GSTP1: variants seen among roughly 807,000 people sequenced by gnomAD.
The protein encoded by GSTP1 is glutathione S-transferase pi 1.
In GSTP1, 28 loss-of-function variants were observed where a neutral mutation model predicts 29.4. The observed-to-expected ratio is 0.95, with a 90% CI of 0.71 to 1.30. The LOEUF is 1.30. GSTP1 is among the 50% of genes most tolerant of loss of function. GSTP1 has a pLI of 0.00. For missense variants in GSTP1, 267 were observed against 266.1 expected (o/e 1.00, Z -0.02); for synonymous variants, 122 against 117.0 (o/e 1.04, Z -0.28).
rs375502856 is a variant in GSTP1, at chr11:67,585,095, A to G, written c.233-43A>G. On this transcript the variant is annotated intron_variant, in intron 4 of 6. Coordinates refer to ENST00000398606, the MANE Select transcript of GSTP1 (RefSeq NM_000852.4). ...CATCCCCAGTGACTGTGTGTTGATC[A>G]GGCGCCCAGTCACGCGGCCTGCTCC... 2.4e-5 allele frequency: 31 copies of G among 1,266,416 alleles called. No homozygotes were observed. In the African/African-American group the frequency reaches 3.6e-4, roughly 15 times the overall value. The allele number at this position is 1,266,416 out of a possible 1,614,324, so 78.4% of individuals were successfully genotyped here.
Position 67,584,114 on chromosome 11 carries a change from C to G in GSTP1, c.2-20C>G, listed in dbSNP as rs4147581. ...GCATCCTCCCCCGGGCTCCAGCAAA[C>G]TTTTCTTTGTTCGCTGCAGTGCCGC... On this transcript the variant is annotated intron_variant, in intron 1 of 6. Coordinates refer to ENST00000398606, the MANE Select transcript of GSTP1 (RefSeq NM_000852.4). 762,336 of 1,594,156 alleles carry G rather than the reference C, an allele frequency of 0.48. 191,422 individuals carry two copies. Among genetic ancestry groups the G allele is most frequent in the East Asian group, 0.67 (29,914 of 44,586 alleles).
Position 67,584,509 on chromosome 11 carries a change from G to C in GSTP1, c.83G>C (p.Ser28Thr), listed in dbSNP as rs764740104. ...ATGCTGCTGGCAGATCAGGGCCAGA[G>C]CTGGAAGGAGGAGGTGGTGACCGTG... ...LRMLLADQGQSWKEEVVTVET... is the reference protein window; with the variant it reads ...LRMLLADQGQTWKEEVVTVET... The change falls in exon 3 of 7, where the codon AGC becomes ACC. Residue 28 changes from serine (S) to threonine (T), a missense_variant. Ser to Thr is a moderately conservative substitution (Grantham distance 58, BLOSUM62 1). Transcript: ENST00000398606. 3.8e-6 allele frequency: 6 copies of C among 1,573,310 alleles called. No homozygotes were observed. The South Asian group carries it at 6.9e-5, about 18-fold the overall frequency.
In GSTP1 at chr11:67,584,183, T is replaced by C; in HGVS notation, c.37+14T>C. ...TCCCAGTTCGAGGTAGGAGCATGTGTCTGGCAGGGAAGGGAGGCAGGGGCT... is the reference window on the plus strand; with the variant it reads ...TCCCAGTTCGAGGTAGGAGCATGTGCCTGGCAGGGAAGGGAGGCAGGGGCT... On this transcript the variant is annotated intron_variant, in intron 2 of 6. Coordinates refer to ENST00000398606, the MANE Select transcript of GSTP1 (RefSeq NM_000852.4). The C allele has an allele frequency of 6.2e-7, 1 of 1,607,322 alleles. No homozygotes were observed. Among genetic ancestry groups the C allele is most frequent in the Non-Finnish European group, 8.5e-7 (1 of 1,173,930 alleles).
At chr11:67,584,960 G>C in intron 4 of GSTP1, 178 bp from the exon 5 acceptor site, 1 of 641,740 alleles carries the variant, frequency 1.6e-6, no homozygotes, top group Non-Finnish European at 2.7e-6. Flanking sequence ...CTGCCTCCCA[G>C]GTGTCAGGTG....
chr11:67,584,316 G>T, intron 2 of GSTP1, 147 bp downstream of exon 2: 1 of 726,980 alleles, frequency 1.4e-6, no homozygotes, highest in East Asian at 2.7e-5. Flanking sequence ...CGCCTCTCCC[G>T]CCATGCCTGC....
At chr11:67,584,437 A>T in intron 2 of GSTP1, 27 bp from the exon 3 acceptor site, 1 of 1,322,386 alleles carries the variant, frequency 7.6e-7, no homozygotes, top group Non-Finnish European at 1.0e-6. Flanking sequence ...CCCGGTCCCC[A>T]CATCTCGTAC....
chr11:67,584,831 C>T, intron 4 of GSTP1, 59 bp downstream of exon 4: 6 of 1,284,512 alleles, frequency 4.7e-6, no homozygotes, highest in Admixed American at 1.7e-5. Context: ...CCCCGGAGCC[C>T]TTTTGTTTAA....
chr11:67,585,106 C>G (rs1484826724), intron 4 of GSTP1, 32 bp from the exon 5 acceptor site: 4 of 1,409,924 alleles, frequency 2.8e-6, no homozygotes, highest in Non-Finnish European at 4.0e-6. Context: ...GGCGCCCAGT[C>G]ACGCGGCCTG....
chr11:67,584,987 T>G, intron 4 of GSTP1, 151 bp from the exon 5 acceptor site: 1 of 640,116 alleles, frequency 1.6e-6, no homozygotes, highest in Non-Finnish European at 2.8e-6. Context: ...GAGCACCTGC[T>G]GTGTGGCAGT....
chr11:67,586,327 T>C (rs878949262), intron 6 of GSTP1, 62 bp from the exon 7 acceptor site: 1 of 1,558,030 alleles, frequency 6.4e-7, no homozygotes, highest in Non-Finnish European at 8.8e-7. Context: ...GCTTAGGCCC[T>C]CTGCCCCCAA....
chr11:67,583,888 T>C, intron 1 of GSTP1, 44 bp downstream of exon 1: 1 of 724,590 alleles, frequency 1.4e-6, no homozygotes, highest in Non-Finnish European at 2.5e-6. Context: ...GGCTCAGAGC[T>C]CCCAGCATGG....
intron 1 of GSTP1, 101 bp from the exon 2 acceptor site, chr11:67,584,033 G>A: frequency 7.4e-6 from 7 of 949,456 alleles, no homozygotes; most frequent in Non-Finnish European, 1.1e-5. Context: ...GCGCCTCGGG[G>A]AGGGATGGGA....
chr11:67,584,037 G>A (rs1348069454), intron 1 of GSTP1, 97 bp from the exon 2 acceptor site: 5 of 940,644 alleles, frequency 5.3e-6, no homozygotes, highest in Non-Finnish European at 8.0e-6. Flanking sequence ...CTCGGGGAGG[G>A]ATGGGACCCC....
rs916530637 is a variant in GSTP1 at position 67,584,670 on chromosome 11, T to C, written c.145-15T>C. 1 of 1,609,106 alleles carries C rather than the reference T, an allele frequency of 6.2e-7. No individual in the cohort carries two copies. Among genetic ancestry groups the C allele is most frequent in the South Asian group, 1.1e-5 (1 of 91,000 alleles). Reference sequence around the variant, plus strand: ...AAGCTCAGTGCCCCTCCCTGAGCCATGCCTCCCCCAACAGCTATACGGGCA... The same window carrying C: ...AAGCTCAGTGCCCCTCCCTGAGCCACGCCTCCCCCAACAGCTATACGGGCA... On this transcript the variant is annotated splice_polypyrimidine_tract_variant and intron_variant, in intron 3 of 6. Coordinates refer to ENST00000398606, the MANE Select transcript of GSTP1 (RefSeq NM_000852.4).
At chr11:67,584,083 G>T (rs1346142623) in intron 1 of GSTP1, 51 bp from the exon 2 acceptor site, 1 of 1,502,926 alleles carries the variant, frequency 6.7e-7, no homozygotes, top group Admixed American at 1.7e-5. Flanking sequence ...CGCTCACCGC[G>T]CCTTGGCATC....
At chr11:67,585,094 C>G (rs370314513) in intron 4 of GSTP1, 44 bp from the exon 5 acceptor site, 6 of 1,263,706 alleles carry the variant, frequency 4.7e-6, no homozygotes, top group African/African-American at 1.5e-5. Flanking sequence ...GTGTGTTGAT[C>G]AGGCGCCCAG....
Position 67,586,202 on chromosome 11 carries a change from G to A in GSTP1, c.435G>A (p.Val145=), listed in dbSNP as rs774028206. Residue 145 remains valine (V), a synonymous_variant, in exon 6 of 7, where the codon GTG becomes GTA. Coordinates refer to ENST00000398606, the MANE Select transcript of GSTP1 (RefSeq NM_000852.4). The part of the protein sequence containing the change: ...SQNQGGKTFI[V]GDQISFADYN... ...ACCAGGGAGGCAAGACCTTCATTGT[G>A]GGAGACCAGGTGAGCATCTGGCCCC... 5.6e-5 allele frequency: 90 copies of A among 1,611,392 alleles called. No homozygotes were observed. In the East Asian group the frequency reaches 1.9e-3, roughly 34 times the overall value.
At chr11:67,585,674 T>TGTGCGC (rs1867456040) in intron 5 of GSTP1, among the ~76,000 whole-genome samples, 3 of 101,382 alleles carry the variant, frequency 3.0e-5, no homozygotes, top group African/African-American at 1.2e-4. Context: ...TGCGCGTGCG[T>TGTGCGC]GTGCATGTGT....
At chr11:67,584,619 G>T (rs1458242319) in intron 3 of GSTP1, 49 bp downstream of exon 3, 3 of 1,569,568 alleles carry the variant, frequency 1.9e-6, no homozygotes, top group Non-Finnish European at 2.6e-6. Context: ...GCCTTAGGGG[G>T]CTGTGACTAG....
Sources: gnomAD v4.1 joint callset for allele counts (sites outside exome capture counted in the v4.1 genomes callset) on GRCh38, gnomAD v4.1.1 for gene constraint, MANE v1.5 for transcripts, NCBI Gene and HGNC (gene_info 2026-07-23, HGNC 2026-07-21) for gene names.